Variants in GALNTL6 observed in about 807,000 individuals in gnomAD.
The protein encoded by GALNTL6 is polypeptide N-acetylgalactosaminyltransferase like 6.
Under a neutral mutation model 73.7 loss-of-function variants are expected in GALNTL6, and 46 were observed. The ratio of observed to expected loss-of-function variants is 0.62; its 90% CI spans 0.49 to 0.80. The LOEUF is 0.80. Ranked by LOEUF, GALNTL6 falls within the 30% of genes least tolerant of loss-of-function variation. The probability of loss-of-function intolerance (pLI) is 0.00; values close to 1 mark genes in which losing one functional copy is unlikely to be tolerated. For missense variants in GALNTL6, 604 were observed against 755.0 expected (o/e 0.80, Z 2.34); for synonymous variants, 259 against 263.7 (o/e 0.98, Z 0.17).
intron 11 of GALNTL6, among the ~76,000 whole-genome samples, chr4:173,020,348 G>A (rs2126513724): frequency 6.6e-6 from 1 of 152,250 alleles, no homozygotes; most frequent in East Asian, 1.9e-4. Flanking sequence ...ATGATAGAAT[G>A]GGATAATATA....
chr4:172,180,147 G>GT lies in GALNTL6; in HGVS notation c.139-49508dup, dbSNP rs1735189983. Reference sequence around the variant, plus strand: ...TTTAATGATTGCCATTCTAACTGGCGTGAGATGGTATCTCATTGTGGCTTT... The same window carrying GT: ...TTTAATGATTGCCATTCTAACTGGCGTTGAGATGGTATCTCATTGTGGCTTT... On this transcript the variant is annotated intron_variant, in intron 2 of 12. Transcript: ENST00000506823. Among the ~76,000 whole-genome samples the GT allele has an allele frequency of 2.6e-5, 4 of 152,168 alleles. No individual in the cohort carries two copies. In the South Asian group the frequency reaches 8.3e-4, roughly 32 times the overall value.
intron 5 of GALNTL6, among the ~76,000 whole-genome samples, chr4:172,409,255 C>A (rs1348527585): frequency 6.6e-6 from 1 of 151,930 alleles, no homozygotes; most frequent in African/African-American, 2.4e-5. Flanking sequence ...TTCCAATTAA[C>A]CAGCAGTTAT....
chr4:172,738,806 G>T (rs1388621258), intron 5 of GALNTL6, among the ~76,000 whole-genome samples: 1 of 152,122 alleles, frequency 6.6e-6, no homozygotes, highest in Non-Finnish European at 1.5e-5. Flanking sequence ...CTTTGGTTTG[G>T]TCCAGAAAGG....
intron 5 of GALNTL6, among the ~76,000 whole-genome samples, chr4:172,564,404 C>A (rs1736486267): frequency 6.6e-6 from 1 of 152,124 alleles, no homozygotes; most frequent in African/African-American, 2.4e-5. Flanking sequence ...TGAAAAGGAA[C>A]AAATGTAAAT....
chr4:172,687,625 C>CAAA (rs34724807), intron 5 of GALNTL6, among the ~76,000 whole-genome samples: 44 of 129,076 alleles, frequency 3.4e-4, no homozygotes, highest in East Asian at 1.1e-3. Flanking sequence ...AAGACTGTCT[C>CAAA]AAAAAAAAAA....
At chr4:172,825,844 A>G (rs1302032286) in intron 7 of GALNTL6, among the ~76,000 whole-genome samples, 8 of 152,120 alleles carry the variant, frequency 5.3e-5, no homozygotes, top group Non-Finnish European at 1.0e-4. Context: ...CCTCCTCCCC[A>G]CATTTATCCC....
rs182338942 is a variant in GALNTL6, at chr4:172,484,437, G to A, written c.553+135748G>A. Among the ~76,000 whole-genome samples, 118 of 152,310 alleles carry A rather than the reference G, an allele frequency of 7.7e-4. 2 individuals are homozygous for A. In the South Asian group the frequency reaches 0.016, roughly 21 times the overall value. On this transcript the variant is annotated intron_variant, in intron 5 of 12. Transcript: ENST00000506823. ...GAAGTATATTTAGGGAGTGATTAATGATGTGCTATTGACTGAAAGTGCTGG... is the reference window on the plus strand; with the variant it reads ...GAAGTATATTTAGGGAGTGATTAATAATGTGCTATTGACTGAAAGTGCTGG...
At chr4:172,972,392 A>AT (rs1410318048) in intron 10 of GALNTL6, among the ~76,000 whole-genome samples, 2 of 152,242 alleles carry the variant, frequency 1.3e-5, no homozygotes, top group African/African-American at 4.8e-5. Context: ...AACAAATAAG[A>AT]TTTTTGAACA....
chr4:172,327,665 G>C (rs548723951), intron 4 of GALNTL6, among the ~76,000 whole-genome samples: 1 of 152,036 alleles, frequency 6.6e-6, no homozygotes, highest in East Asian at 1.9e-4. Flanking sequence ...GTCTTTTTTT[G>C]ATATTTGTTG....
intron 2 of GALNTL6, among the ~76,000 whole-genome samples, chr4:172,076,636 A>G (rs183052499): frequency 7.6e-4 from 116 of 152,332 alleles, no homozygotes; most frequent in Admixed American, 2.2e-3. Flanking sequence ...AAACCAGTCT[A>G]CAAACTACTC....
intron 2 of GALNTL6, among the ~76,000 whole-genome samples, chr4:172,094,089 T>C (rs140731731): frequency 3.7e-4 from 56 of 152,324 alleles, no homozygotes; most frequent in East Asian, 1.2e-3. Flanking sequence ...TTTTCGCTCA[T>C]AGTAGCCTTA....
intron 10 of GALNTL6, among the ~76,000 whole-genome samples, chr4:172,967,051 C>T (rs1241533599): frequency 6.6e-6 from 1 of 152,222 alleles, no homozygotes; most frequent in Non-Finnish European, 1.5e-5. Flanking sequence ...ATTCTTTCTC[C>T]GTGTTTCATT....
chr4:171,964,337 A>C (rs933555268), intron 2 of GALNTL6, among the ~76,000 whole-genome samples: 2 of 152,158 alleles, frequency 1.3e-5, no homozygotes, highest in African/African-American at 4.8e-5. Context: ...AGTTCATTCA[A>C]TATACTTTTA....
At chr4:172,140,707 C>A (rs1262035396) in intron 2 of GALNTL6, among the ~76,000 whole-genome samples, 1 of 151,984 alleles carries the variant, frequency 6.6e-6, no homozygotes, top group African/African-American at 2.4e-5. Flanking sequence ...AGCCTGCCTT[C>A]AAATTTTGTA....
intron 2 of GALNTL6, among the ~76,000 whole-genome samples, chr4:171,982,441 GCGC>G (rs1674495980): frequency 6.6e-6 from 1 of 152,088 alleles, no homozygotes; most frequent in South Asian, 2.1e-4. Context: ...GGGACTACAG[GCGC>G]CCGCCACCAC....
At chr4:172,245,465 G>T (rs1215437612) in intron 3 of GALNTL6, among the ~76,000 whole-genome samples, 2 of 152,112 alleles carry the variant, frequency 1.3e-5, no homozygotes, top group Non-Finnish European at 2.9e-5. Flanking sequence ...CTCAGAAGAA[G>T]AGTAAGAACT....
intron 2 of GALNTL6, among the ~76,000 whole-genome samples, chr4:172,221,942 T>A (rs1736689542): frequency 1.3e-5 from 2 of 151,890 alleles, no homozygotes; most frequent in Non-Finnish European, 3.0e-5. Context: ...ATAATGTTAT[T>A]CTTTTTTCTC....
intron 8 of GALNTL6, among the ~76,000 whole-genome samples, chr4:172,928,942 G>T (rs1033239533): frequency 6.6e-6 from 1 of 152,160 alleles, no homozygotes; most frequent in African/African-American, 2.4e-5. Flanking sequence ...TGTGTGTTTT[G>T]TGCTACTCAG....
At position 172,054,706 on chromosome 4, in the gene GALNTL6, G is replaced by T. The variant is rs1381341975; in HGVS notation, c.139-174950G>T. Among the ~76,000 whole-genome samples, 3 of 152,244 alleles carry T rather than the reference G, an allele frequency of 2.0e-5. No homozygotes were observed. The East Asian group carries it at 5.8e-4, about 29-fold the overall frequency. On this transcript the variant is annotated intron_variant, in intron 2 of 12. Transcript: ENST00000506823. ...GGTTACGTTTCAACATAAGAATTTT[G>T]AGGGAACATAAACATTCAGTTTAAA...
Sources: gnomAD v4.1 joint callset for allele counts (sites outside exome capture counted in the v4.1 genomes callset) on GRCh38, gnomAD v4.1.1 for gene constraint, MANE v1.5 for transcripts, NCBI Gene and HGNC (gene_info 2026-07-23, HGNC 2026-07-21) for gene names.